PLCXD3: variants seen among roughly 807,000 people sequenced by gnomAD.
PLCXD3 encodes PI-PLC X domain-containing protein 3.
PLCXD3 carries 19 observed loss-of-function variants against 25.5 expected under a neutral mutation model. The ratio of observed to expected loss-of-function variants is 0.75; its 90% CI spans 0.52 to 1.09. PLCXD3 has a LOEUF of 1.09. PLCXD3 is among the 50% of genes least tolerant of loss of function. The pLI is 0.00. For missense variants in PLCXD3, 411 were observed against 388.1 expected, an observed-to-expected ratio of 1.06 and a Z score of -0.50; for synonymous variants, 174 against 137.6, an observed-to-expected ratio of 1.26 and a Z score of -1.85.
chr5:41,368,841 C>G (rs1054410283), intron 2 of PLCXD3, among the ~76,000 whole-genome samples: 1 of 152,160 alleles, frequency 6.6e-6, no homozygotes, highest in African/African-American at 2.4e-5. Context: ...CATTTTCAAT[C>G]TACAGCTGAC....
chr5:41,473,800 C>T (rs1019600559), intron 1 of PLCXD3, among the ~76,000 whole-genome samples: 5 of 152,148 alleles, frequency 3.3e-5, no homozygotes, highest in Non-Finnish European at 5.9e-5. Flanking sequence ...CAAGCGTCCT[C>T]AGTACAGAGA....
chr5:41,480,392 T>C (rs921304054), intron 1 of PLCXD3, among the ~76,000 whole-genome samples: 3 of 147,422 alleles, frequency 2.0e-5, no homozygotes, highest in Non-Finnish European at 3.0e-5. Flanking sequence ...GTAACAAAGT[T>C]GTTTTTTTTT....
At chr5:41,442,811 T>C (rs1175511015) in intron 1 of PLCXD3, among the ~76,000 whole-genome samples, 1 of 152,126 alleles carries the variant, frequency 6.6e-6, no homozygotes, top group African/African-American at 2.4e-5. Flanking sequence ...CTGATTGCAT[T>C]ACTCTTGTCT....
chr5:41,468,928 T>C (rs1257332815), intron 1 of PLCXD3, among the ~76,000 whole-genome samples: 4 of 152,148 alleles, frequency 2.6e-5, no homozygotes, highest in Non-Finnish European at 4.4e-5. Flanking sequence ...AAAAGAAGTG[T>C]TGAAGAGAGT....
At chr5:41,486,093 T>G (rs1041168590) in intron 1 of PLCXD3, among the ~76,000 whole-genome samples, 1 of 152,042 alleles carries the variant, frequency 6.6e-6, no homozygotes, top group African/African-American at 2.4e-5. Context: ...AGGATATGAG[T>G]ACAATCCAGG....
At position 41,482,007 on chromosome 5, in the gene PLCXD3, T is replaced by C. The variant is rs892281902; in HGVS notation, c.103+28417A>G. Among the ~76,000 whole-genome samples, 5 of 152,336 alleles carry C rather than the reference T, an allele frequency of 3.3e-5. No individual in the cohort carries two copies. The South Asian group carries it at 1.0e-3, about 32-fold the overall frequency. On this transcript the variant is annotated intron_variant, in intron 1 of 2. Transcript: ENST00000377801. ...CAGTGTAAGGACGTATGATGGGCTA[T>C]CAGTTATTATGCCCATTTTCTAAAT...
At chr5:41,490,780 A>G (rs529514329) in intron 1 of PLCXD3, among the ~76,000 whole-genome samples, 2 of 152,192 alleles carry the variant, frequency 1.3e-5, no homozygotes, top group African/African-American at 4.8e-5. Flanking sequence ...CGGTGGTGAT[A>G]TCCCCTTTGT....
rs138864987 is a variant in PLCXD3 at position 41,454,051 on chromosome 5, C to A, written c.103+56373G>T. On this transcript the variant is annotated intron_variant, in intron 1 of 2. Coordinates refer to ENST00000377801, the MANE Select transcript of PLCXD3 (RefSeq NM_001005473.3). ...GAATCTATTAAGTCACACAAGAACA[C>A]CTCAAAACACCAGAACTCCTTTGAA... Among the ~76,000 whole-genome samples the A allele has an allele frequency of 7.0e-3, 1,069 of 152,028 alleles. 20 individuals are homozygous for A. The highest frequency in any genetic ancestry group is 0.024 in the African/African-American group (1,015 of 41,486).
chr5:41,478,211 G>T (rs1352954854), intron 1 of PLCXD3, among the ~76,000 whole-genome samples: 1 of 152,186 alleles, frequency 6.6e-6, no homozygotes, highest in Admixed American at 6.5e-5. Flanking sequence ...TTAGAGAGTT[G>T]ATCTTTAGCT....
chr5:41,340,469 A>C (rs531137373), intron 2 of PLCXD3, among the ~76,000 whole-genome samples: 3 of 152,252 alleles, frequency 2.0e-5, no homozygotes, highest in Admixed American at 1.3e-4. Context: ...ATTATTCTTC[A>C]CCACTCCACA....
chr5:41,493,841 C>A lies in PLCXD3; in HGVS notation c.103+16583G>T, dbSNP rs7711481. ...CCGATTTTCCAGGTGCCGTCTGTCA[C>A]CCCTTTCTTTGACTAGGAAAGGGAA... On this transcript the variant is annotated intron_variant, in intron 1 of 2. Coordinates refer to ENST00000377801, the MANE Select transcript of PLCXD3 (RefSeq NM_001005473.3). 8.2e-3 allele frequency among the ~76,000 whole-genome samples: 1,255 copies of A among 152,326 alleles called. 22 individuals are homozygous for A. The highest frequency in any genetic ancestry group is 0.028 in the African/African-American group (1,184 of 41,576).
Position 41,313,628 on chromosome 5 carries a change from C to T in PLCXD3, c.955G>A (p.Ala319Thr). 3 of 1,613,814 alleles carry T rather than the reference C, an allele frequency of 1.9e-6. No individual in the cohort carries two copies. The highest frequency in any genetic ancestry group is 2.5e-6 in the Non-Finnish European group (3 of 1,179,762). Reference sequence around the variant, plus strand: ...TCCAAGTAGTGCTATCAAGTGTTGGCTTCTCCTTCATCAAAGACATAGTTG... The same window carrying T: ...TCCAAGTAGTGCTATCAAGTGTTGGTTTCTCCTTCATCAAAGACATAGTTG... Reference protein sequence around the residue: ...KLNYVFDEGEANT With the variant: ...KLNYVFDEGETNT Residue 319 changes from alanine (A) to threonine (T), a missense_variant, in exon 3 of 3, where the codon GCC (alanine) becomes ACC (threonine). Transcript: ENST00000377801.
intron 1 of PLCXD3, among the ~76,000 whole-genome samples, chr5:41,494,422 G>A (rs1748790334): frequency 6.6e-6 from 1 of 152,184 alleles, no homozygotes; most frequent in Non-Finnish European, 1.5e-5. Context: ...TGGAAGGATT[G>A]TAGATACATT....
Position 41,353,440 on chromosome 5 carries a change from A to C in PLCXD3, c.812+28386T>G, listed in dbSNP as rs576118766. ...TTAAGAGAAAAAGCAAAACACAAGAAAATAAATTCATATCAGGAGTTTTAT... is the reference window on the plus strand; with the variant it reads ...TTAAGAGAAAAAGCAAAACACAAGACAATAAATTCATATCAGGAGTTTTAT... On this transcript the variant is annotated intron_variant, in intron 2 of 2. Coordinates refer to ENST00000377801, the MANE Select transcript of PLCXD3 (RefSeq NM_001005473.3). Among the ~76,000 whole-genome samples, 3 of 152,284 alleles carry C rather than the reference A, an allele frequency of 2.0e-5. No homozygotes were observed. The South Asian group carries it at 6.2e-4, about 32-fold the overall frequency.
intron 1 of PLCXD3, among the ~76,000 whole-genome samples, chr5:41,417,946 T>C (rs1286225328): frequency 6.6e-6 from 1 of 152,248 alleles, no homozygotes; most frequent in Non-Finnish European, 1.5e-5. Context: ...CTTATTTCAC[T>C]ACCTACTAAC....
intron 2 of PLCXD3, among the ~76,000 whole-genome samples, chr5:41,320,894 C>T (rs1039558891): frequency 2.6e-4 from 39 of 152,332 alleles, no homozygotes; most frequent in African/African-American, 8.9e-4. Context: ...TAGAAGTCAA[C>T]ATCCCTTCAT....
intron 1 of PLCXD3, among the ~76,000 whole-genome samples, chr5:41,491,242 G>GT (rs1231792852): frequency 3.9e-5 from 6 of 152,110 alleles, no homozygotes; most frequent in African/African-American, 1.4e-4. Context: ...TAGTTGAGTG[G>GT]TTTGAGTGAG....
At chr5:41,400,215 G>T (rs1561261202) in intron 1 of PLCXD3, among the ~76,000 whole-genome samples, 1 of 152,052 alleles carries the variant, frequency 6.6e-6, no homozygotes, top group Non-Finnish European at 1.5e-5. Context: ...GTGGAGAAAA[G>T]GAAACGCTTA....
At chr5:41,364,236 T>C (rs1188263986) in intron 2 of PLCXD3, among the ~76,000 whole-genome samples, 1 of 152,200 alleles carries the variant, frequency 6.6e-6, no homozygotes, top group East Asian at 1.9e-4. Flanking sequence ...CGAATTACCT[T>C]GCTTAAAATG....
Sources: allele counts gnomAD v4.1 joint callset (sites outside exome capture counted in the v4.1 genomes callset), GRCh38; gene constraint gnomAD v4.1.1; transcripts MANE v1.5; gene names NCBI Gene and HGNC (gene_info 2026-07-23, HGNC 2026-07-21).